ARF4: variants seen among roughly 807,000 people sequenced by gnomAD.
ARF4 encodes the protein ARF GTPase 4, also known as ADP-ribosylation factor 4.
ARF4 carries 5 observed loss-of-function variants against 24.3 expected under a neutral mutation model. The ratio of observed to expected loss-of-function variants is 0.21; its 90% CI spans 0.11 to 0.43. The LOEUF (loss-of-function observed/expected upper bound fraction) is 0.43, where lower values mean the gene tolerates loss of function less well. Among genes scored for constraint, ARF4 ranks in the 20% least tolerant of loss-of-function variants. ARF4 has a pLI of 1.00. For synonymous variants in ARF4, 62 were observed against 73.5 expected (o/e 0.84, Z 0.80); for missense variants, 107 against 213.0 (o/e 0.50, Z 3.10).
rs1559789432 is a variant in ARF4, at chr3:57,597,300, A to C, written c.-160T>G. 1 of 655,150 alleles carries C rather than the reference A, an allele frequency of 1.5e-6. No homozygotes were observed. The highest frequency in any genetic ancestry group is 2.6e-6 in the Non-Finnish European group (1 of 380,770). 40.6% of individuals were successfully genotyped at this position (655,150 alleles called of 1,614,324 possible). ...GTCTCAGTGGCCCCTGTGCCGATGA[A>C]GATCCGGCACAGGAATAAGCCGGTA... On this transcript the variant is annotated 5_prime_UTR_variant, in exon 1 of 6. Coordinates refer to ENST00000303436, the MANE Select transcript of ARF4 (RefSeq NM_001660.4).
intron 1 of ARF4, 175 bp downstream of exon 1, chr3:57,596,899 G>T (rs533729112): frequency 1.2e-4 from 79 of 632,878 alleles, no homozygotes; most frequent in African/African-American, 1.2e-3. Flanking sequence ...TCGGGGGCGG[G>T]GGGGATCGCT....
chr3:57,590,080 ACT>A (rs1208752916), intron 1 of ARF4, among the ~76,000 whole-genome samples: 1 of 142,662 alleles, frequency 7.0e-6, no homozygotes, highest in Non-Finnish European at 1.5e-5. Context: ...ACAGACCAAG[ACT>A]CTGTCTCAAT....
chr3:57,583,753 G>T (rs567382886), intron 3 of ARF4, 145 bp downstream of exon 3: 2 of 650,940 alleles, frequency 3.1e-6, no homozygotes, highest in African/African-American at 3.7e-5. Context: ...CTAAGTGAGA[G>T]TCCACTGAAG....
At chr3:57,590,356 G>A (rs1415700296) in intron 1 of ARF4, among the ~76,000 whole-genome samples, 1 of 150,862 alleles carries the variant, frequency 6.6e-6, no homozygotes, top group Non-Finnish European at 1.5e-5. Flanking sequence ...CGCAGTGGCG[G>A]GTGCCTGTAA....
chr3:57,575,499 T>C (rs772942523), intron 5 of ARF4, 49 bp downstream of exon 5: 1 of 1,541,746 alleles, frequency 6.5e-7, no homozygotes, highest in South Asian at 1.2e-5. Context: ...ACAACTATCC[T>C]AGTAAGTCTT....
At chr3:57,587,319 C>CAAAAAAAAAAAAAAAAAAAAAAAATA in intron 1 of ARF4, among the ~76,000 whole-genome samples, 1 of 45,402 alleles carries the variant, frequency 2.2e-5, no homozygotes, top group Non-Finnish European at 4.7e-5. Context: ...AACTCAGTCT[C>CAAAAAAAAAAAAAAAAAAAAAAAATA]AAAAAAAAAA....
At chr3:57,593,773 G>A (rs1032242263) in intron 1 of ARF4, among the ~76,000 whole-genome samples, 2 of 151,972 alleles carry the variant, frequency 1.3e-5, no homozygotes, top group African/African-American at 2.4e-5. Flanking sequence ...TCAGTGGCTC[G>A]CCCTGTAACC....
At chr3:57,597,034 C>A in intron 1 of ARF4, 40 bp downstream of exon 1, 1 of 1,604,890 alleles carries the variant, frequency 6.2e-7, no homozygotes, top group Non-Finnish European at 8.5e-7. Flanking sequence ...GGAGACCCTG[C>A]CTTTCCCAGG....
chr3:57,572,939 A>C (rs929110879), intron 5 of ARF4, among the ~76,000 whole-genome samples: 1 of 151,694 alleles, frequency 6.6e-6, no homozygotes, highest in Non-Finnish European at 1.5e-5. Flanking sequence ...GTGGTGGCTC[A>C]CACCTGTAAT....
At chr3:57,572,358 T>A in intron 5 of ARF4, 60 bp from the exon 6 acceptor site, 1 of 1,246,850 alleles carries the variant, frequency 8.0e-7, no homozygotes, top group Non-Finnish European at 1.2e-6. Context: ...CACCAGTGTT[T>A]AAACTTTCTT....
At chr3:57,594,478 A>C (rs987310944) in intron 1 of ARF4, among the ~76,000 whole-genome samples, 2 of 152,230 alleles carry the variant, frequency 1.3e-5, no homozygotes, top group Admixed American at 6.5e-5. Context: ...TCTGTCAATC[A>C]ATAGTTCAGA....
At chr3:57,587,774 CATA>C (rs1258762371) in intron 1 of ARF4, among the ~76,000 whole-genome samples, 4 of 151,998 alleles carry the variant, frequency 2.6e-5, no homozygotes, top group Non-Finnish European at 5.9e-5. Flanking sequence ...ATAATGCGCC[CATA>C]ATGACTTTTA....
At chr3:57,577,184 T>A in intron 4 of ARF4, 132 bp downstream of exon 4, 1 of 743,890 alleles carries the variant, frequency 1.3e-6, no homozygotes, top group South Asian at 1.8e-5. Context: ...GATAATATAG[T>A]TTCTTAAGTT....
chr3:57,574,246 G>A (rs2069877299), intron 5 of ARF4, among the ~76,000 whole-genome samples: 1 of 151,956 alleles, frequency 6.6e-6, no homozygotes, highest in Non-Finnish European at 1.5e-5. Context: ...GCCTGCAATA[G>A]GTTCTTTGTT....
At chr3:57,588,617 G>A (rs1037079149) in intron 1 of ARF4, among the ~76,000 whole-genome samples, 10 of 150,082 alleles carry the variant, frequency 6.7e-5, no homozygotes, top group African/African-American at 2.5e-4. Flanking sequence ...ACTTTGGGAA[G>A]CCAAGGCGGG....
chr3:57,594,553 T>C (rs1037067015), intron 1 of ARF4, among the ~76,000 whole-genome samples: 5 of 152,264 alleles, frequency 3.3e-5, no homozygotes, highest in Non-Finnish European at 7.3e-5. Flanking sequence ...TAACTTCCAA[T>C]ATCTTTTAAA....
chr3:57,576,986 G>GT (rs2069913270), intron 4 of ARF4, among the ~76,000 whole-genome samples: 1 of 150,868 alleles, frequency 6.6e-6, no homozygotes, highest in African/African-American at 2.4e-5. Flanking sequence ...TATCTGTAAA[G>GT]TAAGGGACTG....
chr3:57,573,434 C>T (rs2069864187), intron 5 of ARF4, among the ~76,000 whole-genome samples: 1 of 152,142 alleles, frequency 6.6e-6, no homozygotes, highest in Admixed American at 6.5e-5. Context: ...TTTAATGTTG[C>T]AAGGCCACTG....
intron 3 of ARF4, among the ~76,000 whole-genome samples, chr3:57,578,890 A>AG (rs145241901): frequency 0.065 from 9,785 of 150,028 alleles, 344 homozygotes; most frequent in South Asian, 0.087. Context: ...CAGCTAGAAA[A>AG]GGGGGGGGGC....
Sources: gnomAD v4.1 joint callset for allele counts (sites outside exome capture counted in the v4.1 genomes callset) on GRCh38, gnomAD v4.1.1 for gene constraint, MANE v1.5 for transcripts, NCBI Gene and HGNC (gene_info 2026-07-23, HGNC 2026-07-21) for gene names.